Variants in NECAB1 observed in about 807,000 individuals in gnomAD.
The protein encoded by NECAB1 is N-terminal EF-hand calcium-binding protein 1.
Under a neutral mutation model 57.5 loss-of-function variants are expected in NECAB1, and 29 were observed. The ratio of observed to expected loss-of-function variants is 0.50; its 90% CI spans 0.38 to 0.69. The LOEUF is 0.69. Among genes scored for constraint, NECAB1 ranks in the 30% least tolerant of loss-of-function variants. The pLI is 0.00. For synonymous variants in NECAB1, 142 were observed against 147.7 expected, an observed-to-expected ratio of 0.96 and a Z score of 0.28; for missense variants, 372 against 413.8, an observed-to-expected ratio of 0.90 and a Z score of 0.88.
chr8:90,879,602 A>G (rs967177652), intron 4 of NECAB1, among the ~76,000 whole-genome samples: 1 of 152,200 alleles, frequency 6.6e-6, no homozygotes, highest in African/African-American at 2.4e-5. Flanking sequence ...AACATAGTAT[A>G]GACTCAGTTC....
At position 90,928,228 on chromosome 8, in the gene NECAB1, T is replaced by C. The variant is rs1810324947; in HGVS notation, c.622T>C (p.Leu208=). 6.2e-7 allele frequency: 1 copy of C among 1,607,454 alleles called. No homozygotes were observed. Residue 208 remains leucine, a synonymous_variant, in exon 8 of 13, where the codon TTA becomes CTA. Transcript: ENST00000417640. ...ATGATTCCCCCTGGCCCCAGGCTTATTAGAAGAAGACAACCAGTGGATGAC... is the reference window on the plus strand; with the variant it reads ...ATGATTCCCCCTGGCCCCAGGCTTACTAGAAGAAGACAACCAGTGGATGAC... ...PQFNVSGPGL[L]EEDNQWMTQI...
intron 3 of NECAB1, 98 bp from the exon 4 acceptor site, chr8:90,872,030 A>G (rs1808630147): frequency 1.1e-6 from 1 of 889,102 alleles, no homozygotes; most frequent in Non-Finnish European, 1.7e-6. Flanking sequence ...ATCAATTAAT[A>G]ATATAGCTTG....
At chr8:90,839,696 T>C (rs796147810) in intron 3 of NECAB1, among the ~76,000 whole-genome samples, 5 of 152,034 alleles carry the variant, frequency 3.3e-5, no homozygotes, top group African/African-American at 1.2e-4. Flanking sequence ...GAGTGTGGCA[T>C]GTTAGAGAAG....
intron 3 of NECAB1, among the ~76,000 whole-genome samples, chr8:90,862,552 A>G (rs1808421065): frequency 6.6e-6 from 1 of 152,176 alleles, no homozygotes; most frequent in Non-Finnish European, 1.5e-5. Context: ...CCAATGACAT[A>G]AGTTCATTTA....
intron 1 of NECAB1, among the ~76,000 whole-genome samples, chr8:90,798,328 T>C (rs1027543277): frequency 6.6e-6 from 1 of 152,186 alleles, no homozygotes; most frequent in African/African-American, 2.4e-5. Flanking sequence ...TCAGGAGGAA[T>C]ATGTGCAGGT....
chr8:90,913,156 A>C (rs1357343894), intron 5 of NECAB1, among the ~76,000 whole-genome samples: 1 of 152,222 alleles, frequency 6.6e-6, no homozygotes, highest in Non-Finnish European at 1.5e-5. Flanking sequence ...GTGAAAATTA[A>C]GATGCACAGA....
chr8:90,828,222 A>C lies in NECAB1; in HGVS notation c.233+3397A>C, dbSNP rs192259356. ...GAATGCAAATAAATCCCAGAAAAAC[A>C]AACCCCAAATACATTTAACCTCAAA... On this transcript the variant is annotated intron_variant, in intron 3 of 12. Coordinates refer to ENST00000417640, the MANE Select transcript of NECAB1 (RefSeq NM_022351.5). 3.3e-5 allele frequency among the ~76,000 whole-genome samples: 5 copies of C among 151,972 alleles called. No individual in the cohort carries two copies. The East Asian group carries it at 9.7e-4, about 29-fold the overall frequency.
chr8:90,943,037 A>G (rs188514014), intron 10 of NECAB1, among the ~76,000 whole-genome samples: 1 of 140,736 alleles, frequency 7.1e-6, no homozygotes, highest in Non-Finnish European at 1.5e-5. Context: ...TGCATGTTTT[A>G]TATTTATAAA....
At chr8:90,845,736 A>T (rs866822793) in intron 3 of NECAB1, among the ~76,000 whole-genome samples, 1 of 152,246 alleles carries the variant, frequency 6.6e-6, no homozygotes, top group African/African-American at 2.4e-5. Context: ...TGATTTTCAA[A>T]AAAACAATGT....
At chr8:90,813,234 T>TATAC (rs1243012126) in intron 2 of NECAB1, 3 of 85,556 alleles carry the variant, frequency 3.5e-5, no homozygotes, top group South Asian at 3.8e-4. Context: ...TATGTATATA[T>TATAC]ACACACACAC....
intron 1 of NECAB1, among the ~76,000 whole-genome samples, chr8:90,800,346 A>G (rs1218133456): frequency 6.6e-6 from 1 of 152,100 alleles, no homozygotes; most frequent in African/African-American, 2.4e-5. Context: ...ACTATGTTGA[A>G]TAGGAGTGGT....
intron 2 of NECAB1, chr8:90,812,721 G>A (rs1209177283): frequency 5.3e-5 from 8 of 151,968 alleles, no homozygotes. Flanking sequence ...TCCAGGAATG[G>A]GTCTCGGGAG....
chr8:90,954,188 T>C (rs982181830), intron 12 of NECAB1, among the ~76,000 whole-genome samples: 1 of 152,030 alleles, frequency 6.6e-6, no homozygotes, highest in African/African-American at 2.4e-5. Flanking sequence ...AAATGCAGTA[T>C]GAATAAGTTT....
intron 6 of NECAB1, among the ~76,000 whole-genome samples, chr8:90,917,859 T>TATATAA (rs1554575453): frequency 1.1e-5 from 1 of 89,986 alleles, no homozygotes; most frequent in African/African-American, 9.3e-5. Flanking sequence ...TATATATATA[T>TATATAA]ATATATATAT....
chr8:90,817,675 G>T (rs1204625866), intron 2 of NECAB1, among the ~76,000 whole-genome samples: 1 of 151,550 alleles, frequency 6.6e-6, no homozygotes, highest in Non-Finnish European at 1.5e-5. Flanking sequence ...CTTGATCTTG[G>T]TGTGTAATTT....
In NECAB1 at chr8:90,956,750, T is replaced by C. The variant is rs1003398144; in HGVS notation, c.*1238T>C. On this transcript the variant is annotated 3_prime_UTR_variant, in exon 13 of 13. Transcript: ENST00000417640. ...TGAAAAACTCAGGAAAAAAGGAAGATTGAACTAATAAAATTTTATTTCTTA... is the reference window on the plus strand; with the variant it reads ...TGAAAAACTCAGGAAAAAAGGAAGACTGAACTAATAAAATTTTATTTCTTA... 6.6e-6 allele frequency: 1 copy of C among 152,362 alleles called. No individual in the cohort carries two copies. Among genetic ancestry groups the C allele is most frequent in the African/African-American group, 2.4e-5 (1 of 41,410 alleles). The allele number at this position is 152,362 out of a possible 1,614,324, so 9.4% of individuals were successfully genotyped here.
At chr8:90,954,903 T>C (rs1201563592) in intron 12 of NECAB1, among the ~76,000 whole-genome samples, 1 of 146,852 alleles carries the variant, frequency 6.8e-6, no homozygotes, top group Non-Finnish European at 1.5e-5. Flanking sequence ...CATATGCATA[T>C]ATGTATGTGT....
intron 2 of NECAB1, among the ~76,000 whole-genome samples, chr8:90,803,061 T>A (rs1327927195): frequency 6.6e-6 from 1 of 152,052 alleles, no homozygotes; most frequent in Non-Finnish European, 1.5e-5. Flanking sequence ...CACACCCGGC[T>A]AATTTTTGTA....
chr8:90,917,524 C>T lies in NECAB1; in HGVS notation c.390C>T (p.Phe130=), dbSNP rs767269759. Residue 130 remains phenylalanine (F), a synonymous_variant, in exon 6 of 13, where the codon TTC becomes TTT. Transcript: ENST00000417640. ...AAGAAGCCTCCAATTTGGAACAATT[C>T]GTAACTAGATTTTTATTGAAGGAAA... is the stretch of plus-strand genomic sequence containing the variant. ...DYQEASNLEQ[F]VTRFLLKETL... The T allele has an allele frequency of 7.3e-5, 118 of 1,611,132 alleles. No individual in the cohort carries two copies. The highest frequency in any genetic ancestry group is 1.2e-4 in the African/African-American group (9 of 74,640).
Sources: allele counts gnomAD v4.1 joint callset (sites outside exome capture counted in the v4.1 genomes callset), GRCh38; gene constraint gnomAD v4.1.1; transcripts MANE v1.5; gene names NCBI Gene and HGNC (gene_info 2026-07-23, HGNC 2026-07-21).